The following PDE4D variants were observed in gnomAD, a reference collection of about 807,000 sequenced individuals.
The protein encoded by PDE4D is phosphodiesterase 4D.
A neutral mutation model predicts 87.4 loss-of-function variants in PDE4D; 24 were observed. That is an observed-to-expected ratio of 0.27 (90% CI 0.20 to 0.39). PDE4D has a LOEUF of 0.39. PDE4D is among the 10% of genes least tolerant of loss of function. The probability of loss-of-function intolerance (pLI) is 1.00; values close to 1 mark genes in which losing one functional copy is unlikely to be tolerated. For missense variants in PDE4D, 714 were observed against 1,041.0 expected (o/e 0.69, Z 4.32); for synonymous variants, 384 against 383.2 (o/e 1.00, Z -0.02).
intron 1 of PDE4D, among the ~76,000 whole-genome samples, chr5:59,705,677 C>A (rs1753281937): frequency 6.6e-6 from 1 of 152,132 alleles, no homozygotes; most frequent in Admixed American, 6.6e-5. Flanking sequence ...ATCTGGGTTA[C>A]TAATATTAAT....
chr5:59,053,088 G>C (rs1761783740), intron 5 of PDE4D, among the ~76,000 whole-genome samples: 1 of 151,954 alleles, frequency 6.6e-6, no homozygotes, highest in Admixed American at 6.6e-5. Context: ...AGTATTGATG[G>C]TATCTGCTAT....
intron 2 of PDE4D, among the ~76,000 whole-genome samples, chr5:60,072,031 C>T (rs1390599589): frequency 1.2e-4 from 19 of 152,072 alleles, no homozygotes; most frequent in African/African-American, 4.6e-4. Context: ...CTTGCGTATA[C>T]ATCCAGTAAT....
chr5:60,392,677 C>G (rs1178499684), intron 1 of PDE4D, among the ~76,000 whole-genome samples: 1 of 152,186 alleles, frequency 6.6e-6, no homozygotes, highest in Non-Finnish European at 1.5e-5. Context: ...AGCTATAAAT[C>G]CCTTTCCATC....
chr5:60,431,433 C>G (rs1344058095), intron 1 of PDE4D, among the ~76,000 whole-genome samples: 1 of 147,006 alleles, frequency 6.8e-6, no homozygotes, highest in Admixed American at 6.8e-5. Flanking sequence ...ACATCCCAGA[C>G]GGGGCGGCGG....
intron 1 of PDE4D, among the ~76,000 whole-genome samples, chr5:59,851,104 A>G (rs751522261): frequency 3.9e-5 from 6 of 151,990 alleles, no homozygotes; most frequent in Admixed American, 6.6e-5. Context: ...TAAATCAGCA[A>G]CCATGTTATG....
chr5:59,104,676 A>C (rs1273107098), intron 5 of PDE4D, among the ~76,000 whole-genome samples: 1 of 152,090 alleles, frequency 6.6e-6, no homozygotes, highest in Non-Finnish European at 1.5e-5. Flanking sequence ...AGGGGGAACT[A>C]GGAAGAAAAG....
At chr5:59,299,372 C>G (rs1769723273) in intron 1 of PDE4D, among the ~76,000 whole-genome samples, 1 of 152,146 alleles carries the variant, frequency 6.6e-6, no homozygotes, top group Non-Finnish European at 1.5e-5. Context: ...GCTCCTGTTT[C>G]CCTCTGTGGG....
rs1746802154 is a variant in PDE4D at position 60,460,044 on chromosome 5, A to G, written c.-90+27898T>C. 6 of 1,516,646 alleles carry G rather than the reference A, an allele frequency of 4.0e-6. No homozygotes were observed. In the East Asian group the frequency reaches 1.1e-4, roughly 29 times the overall value. The allele number at this position is 1,516,646 out of a possible 1,614,324, so 93.9% of individuals were successfully genotyped here. On this transcript the variant is annotated intron_variant, in intron 1 of 16. Transcript: ENST00000502484. Reference sequence around the variant, plus strand: ...AGTACTGTAATGAGTTTGACCAAATATCATCTTTGGTGACCTCTCATAACT... The same window carrying G: ...AGTACTGTAATGAGTTTGACCAAATGTCATCTTTGGTGACCTCTCATAACT...
chr5:60,343,071 G>A (rs775051873), intron 1 of PDE4D, among the ~76,000 whole-genome samples: 3 of 152,082 alleles, frequency 2.0e-5, no homozygotes, highest in Non-Finnish European at 4.4e-5. Context: ...ACTCTAAAGG[G>A]ACTAGGATAT....
intron 5 of PDE4D, among the ~76,000 whole-genome samples, chr5:59,079,382 C>T (rs1406337756): frequency 6.6e-6 from 1 of 151,958 alleles, no homozygotes; most frequent in East Asian, 1.9e-4. Flanking sequence ...CCAATGGTAG[C>T]CACTGTAAAA....
chr5:59,650,475 C>T (rs1401548262), intron 1 of PDE4D, among the ~76,000 whole-genome samples: 4 of 152,142 alleles, frequency 2.6e-5, no homozygotes, highest in Non-Finnish European at 5.9e-5. Flanking sequence ...GCTAACTCTG[C>T]ACTCTGCTGT....
At chr5:59,842,831 T>A (rs256351) in intron 1 of PDE4D, among the ~76,000 whole-genome samples, 25,064 of 152,052 alleles carry the variant, frequency 0.16, 2,262 homozygotes, top group Middle Eastern at 0.27. Context: ...CAGTAGTACC[T>A]GTGTTTCATT....
intron 1 of PDE4D, among the ~76,000 whole-genome samples, chr5:59,743,706 C>A (rs989850712): frequency 1.3e-5 from 2 of 152,098 alleles, no homozygotes; most frequent in Non-Finnish European, 2.9e-5. Context: ...CTTAAAGAGA[C>A]ATTTGTGCAA....
At chr5:60,205,116 C>G (rs1742346493) in intron 1 of PDE4D, among the ~76,000 whole-genome samples, 1 of 152,156 alleles carries the variant, frequency 6.6e-6, no homozygotes, top group Non-Finnish European at 1.5e-5. Flanking sequence ...CTCCTTTAAG[C>G]CTGCAACTCT....
intron 1 of PDE4D, among the ~76,000 whole-genome samples, chr5:60,511,297 C>A (rs776457640): frequency 1.3e-5 from 2 of 152,072 alleles, no homozygotes; most frequent in African/African-American, 4.8e-5. Context: ...CACTGCTAAG[C>A]TTGTTGTTAG....
At chr5:60,401,174 T>C (rs1001215875) in intron 1 of PDE4D, among the ~76,000 whole-genome samples, 2 of 152,026 alleles carry the variant, frequency 1.3e-5, no homozygotes, top group Non-Finnish European at 2.9e-5. Context: ...GGTAAAACTG[T>C]CCAGAAAAGT....
chr5:60,455,143 C>A (rs1746375884), intron 1 of PDE4D, among the ~76,000 whole-genome samples: 1 of 151,976 alleles, frequency 6.6e-6, no homozygotes, highest in South Asian at 2.1e-4. Context: ...GCATTTTTTG[C>A]ATGTCAACAA....
intron 2 of PDE4D, among the ~76,000 whole-genome samples, chr5:60,043,992 T>C (rs192232439): frequency 3.0e-3 from 450 of 152,322 alleles, no homozygotes; most frequent in Middle Eastern, 6.8e-3. Flanking sequence ...ATTCTTATCC[T>C]TGTCCCTCCT....
intron 1 of PDE4D, among the ~76,000 whole-genome samples, chr5:59,291,963 G>T (rs1768124556): frequency 6.6e-6 from 1 of 151,886 alleles, no homozygotes; most frequent in Non-Finnish European, 1.5e-5. Flanking sequence ...TAAAGACAGT[G>T]CTTTGTCTGA....
Sources: gnomAD v4.1 joint callset for allele counts (sites outside exome capture counted in the v4.1 genomes callset) on GRCh38, gnomAD v4.1.1 for gene constraint, MANE v1.5 for transcripts, NCBI Gene and HGNC (gene_info 2026-07-23, HGNC 2026-07-21) for gene names.